The following IL17RA variants were observed in gnomAD, a reference collection of about 807,000 sequenced individuals.
The protein encoded by IL17RA is interleukin 17 receptor A.
IL17RA carries 34 observed loss-of-function variants against 50.4 expected under a neutral mutation model. The ratio of observed to expected loss-of-function variants is 0.67; its 90% CI spans 0.51 to 0.90. The LOEUF is 0.90. Among genes scored for constraint, IL17RA ranks in the 40% least tolerant of loss-of-function variants. IL17RA has a pLI of 0.00. For synonymous variants in IL17RA, 585 were observed against 510.4 expected, an observed-to-expected ratio of 1.15 and a Z score of -1.97; for missense variants, 1,276 against 1,169.8, an observed-to-expected ratio of 1.09 and a Z score of -1.32.
intron 4 of IL17RA, among the ~76,000 whole-genome samples, chr22:17,099,456 C>G (rs544903433): frequency 6.6e-6 from 1 of 152,098 alleles, no homozygotes; most frequent in Non-Finnish European, 1.5e-5. Flanking sequence ...CACCTGGGAA[C>G]GTGGTAGAGA....
chr22:17,085,958 G>C (rs1408582508), intron 1 of IL17RA, among the ~76,000 whole-genome samples: 1 of 152,082 alleles, frequency 6.6e-6, no homozygotes, highest in Non-Finnish European at 1.5e-5. Context: ...TTCTTAAGAC[G>C]GCGCCCTTCC....
At chr22:17,102,080 T>C (rs746066804) in intron 6 of IL17RA, 37 bp downstream of exon 6, 6 of 1,613,904 alleles carry the variant, frequency 3.7e-6, no homozygotes, top group Non-Finnish European at 5.1e-6. Context: ...TTTGGATGCA[T>C]ACACATGCAC....
intron 4 of IL17RA, among the ~76,000 whole-genome samples, chr22:17,099,439 T>C (rs1435849309): frequency 6.6e-6 from 1 of 152,120 alleles, no homozygotes; most frequent in Non-Finnish European, 1.5e-5. Context: ...ACCAGCAGCC[T>C]CAGCCTCACC....
intron 1 of IL17RA, among the ~76,000 whole-genome samples, chr22:17,086,210 G>A (rs1313782682): frequency 6.6e-6 from 1 of 151,906 alleles, no homozygotes; most frequent in African/African-American, 2.4e-5. Flanking sequence ...TCCCCGAGGG[G>A]ATCTTTCCTC....
At position 17,097,887 on chromosome 22, in the gene IL17RA, C is replaced by G; in HGVS notation, c.254C>G (p.Thr85Ser). Residue 85 changes from threonine to serine, a missense_variant, in exon 3 of 13, where the codon ACC (threonine) becomes AGC (serine). By Grantham distance (58) the Thr-to-Ser change is moderately conservative. Coordinates refer to ENST00000319363, the MANE Select transcript of IL17RA (RefSeq NM_014339.7). The part of the protein sequence containing the change: ...DLQIQLHFAH[T>S]QQGDLFPVAH... ...CAGATCCAGCTGCACTTTGCCCACA[C>G]CCAACAAGGAGACCTGTTCCCCGTG... 1 of 1,614,210 alleles carries G rather than the reference C, an allele frequency of 6.2e-7. No individual in the cohort carries two copies. Among genetic ancestry groups the G allele is most frequent in the Middle Eastern group, 1.6e-4 (1 of 6,062 alleles).
chr22:17,097,972 G>T, intron 3 of IL17RA, 29 bp downstream of exon 3: 1 of 1,613,078 alleles, frequency 6.2e-7, no homozygotes, highest in Non-Finnish European at 8.5e-7. Flanking sequence ...AGGGCCCTGG[G>T]GGATTCTCCC....
chr22:17,100,915 A>G lies in IL17RA; in HGVS notation c.550+434A>G, dbSNP rs561325757. Among the ~76,000 whole-genome samples the G allele has an allele frequency of 3.3e-5, 5 of 152,156 alleles. No individual in the cohort carries two copies. In the East Asian group the frequency reaches 9.6e-4, roughly 29 times the overall value. ...GCCTGCATCATCCAACGTTCATCCC[A>G]TGCATGGCGCTCTACTCCCCATGCC... On this transcript the variant is annotated intron_variant, in intron 5 of 12. Coordinates refer to ENST00000319363, the MANE Select transcript of IL17RA (RefSeq NM_014339.7).
Position 17,110,406 on chromosome 22 carries a change from GAGAA to G in IL17RA, c.*587_*590del, listed in dbSNP as rs2061436241. 6.2e-6 allele frequency: 1 copy of G among 161,210 alleles called. No individual in the cohort carries two copies. Among genetic ancestry groups the G allele is most frequent in the African/African-American group, 2.4e-5 (1 of 41,296 alleles). The allele number at this position is 161,210 out of a possible 1,614,324, so 10.0% of individuals were successfully genotyped here. On this transcript the variant is annotated 3_prime_UTR_variant, in exon 13 of 13. Transcript: ENST00000319363. ...CTAGCTACTTGGGAGGCTGAGGCAGGAGAATTGCTTGAATCTGGGAGGCAGAGGT... is the reference window on the plus strand; with the variant it reads ...CTAGCTACTTGGGAGGCTGAGGCAGGTTGCTTGAATCTGGGAGGCAGAGGT...
Position 17,105,857 on chromosome 22 carries a change from C to A in IL17RA, c.948C>A (p.Tyr316Ter). 6.2e-7 allele frequency: 1 copy of A among 1,613,728 alleles called. No individual in the cohort carries two copies. The highest frequency in any genetic ancestry group is 8.5e-7 in the Non-Finnish European group (1 of 1,179,716). The change falls in exon 11 of 13, where the codon TAC becomes TAA. Residue 316 changes from tyrosine (Y) to a stop codon, truncating the protein, a stop_gained. Coordinates refer to ENST00000319363, the MANE Select transcript of IL17RA (RefSeq NM_014339.7). LOFTEE classifies it high-confidence loss of function. ...MPDTPEPIPD[Y>*]MPLWVYWFIT... ...ACGCTGTTCTGCTCACCGCAGACTA[C>A]ATGCCCCTGTGGGTGTACTGGTTCA... is the stretch of plus-strand genomic sequence containing the variant.
Position 17,109,350 on chromosome 22 carries a change from G to C in IL17RA, c.2131G>C (p.Ala711Pro). Residue 711 changes from alanine to proline, a missense_variant, in exon 13 of 13, where the codon GCT (alanine) becomes CCT (proline). Transcript: ENST00000319363. ...EACPLLGSPG[A>P]GRNSVLFLPV... Reference sequence around the variant, plus strand: ...CTGCCCGCTGCTGGGCAGCCCGGGCGCTGGGCGAAATAGCGTCCTCTTCCT... The same window carrying C: ...CTGCCCGCTGCTGGGCAGCCCGGGCCCTGGGCGAAATAGCGTCCTCTTCCT... 1.3e-6 allele frequency: 2 copies of C among 1,595,426 alleles called. No homozygotes were observed. Among genetic ancestry groups the C allele is most frequent in the Non-Finnish European group, 1.7e-6 (2 of 1,173,766 alleles).
chr22:17,099,919 A>T (rs556745667), intron 4 of IL17RA, among the ~76,000 whole-genome samples: 3 of 152,288 alleles, frequency 2.0e-5, no homozygotes, highest in African/African-American at 7.2e-5. Context: ...TGGTCTCAAG[A>T]GGTTCCTGGC....
intron 1 of IL17RA, chr22:17,094,020 G>A (rs1036338546): frequency 7.3e-5 from 6 of 82,728 alleles, no homozygotes; most frequent in African/African-American, 1.3e-4. Flanking sequence ...GTCTCGCTCT[G>A]TCGCCCAGGA....
chr22:17,105,632 G>A, intron 10 of IL17RA, 30 bp downstream of exon 10: 1 of 1,611,760 alleles, frequency 6.2e-7, no homozygotes, highest in East Asian at 2.2e-5. Flanking sequence ...CGACAGCACT[G>A]CAGCCCTCAG....
chr22:17,100,622 G>T (rs2061387598), intron 5 of IL17RA, 141 bp downstream of exon 5: 2 of 1,083,618 alleles, frequency 1.8e-6, no homozygotes, highest in Admixed American at 3.8e-5. Context: ...ACAAACAGAG[G>T]CCAAGACTGG....
Position 17,109,352 on chromosome 22 carries a change from T to C in IL17RA, c.2133T>C (p.Ala711=). Residue 711 remains alanine (A), a synonymous_variant, in exon 13 of 13, where the codon GCT becomes GCC. Coordinates refer to ENST00000319363, the MANE Select transcript of IL17RA (RefSeq NM_014339.7). ...EACPLLGSPG[A]GRNSVLFLPV... ...GCCCGCTGCTGGGCAGCCCGGGCGC[T>C]GGGCGAAATAGCGTCCTCTTCCTCC... is the stretch of plus-strand genomic sequence containing the variant. The C allele has an allele frequency of 6.3e-7, 1 of 1,599,136 alleles. No homozygotes were observed. Among genetic ancestry groups the C allele is most frequent in the Non-Finnish European group, 8.5e-7 (1 of 1,175,418 alleles).
At chr22:17,100,607 A>T (rs2061387538) in intron 5 of IL17RA, 126 bp downstream of exon 5, 1 of 1,208,756 alleles carries the variant, frequency 8.3e-7, no homozygotes, top group South Asian at 1.2e-5. Flanking sequence ...CCTGGGACCC[A>T]CAGAACAAAC....
chr22:17,113,996 T>C lies in IL17RA; in HGVS notation c.*4176T>C, dbSNP rs738035. 84,541 of 152,032 alleles carry C rather than the reference T, an allele frequency of 0.56. 23,838 individuals carry two copies. The highest frequency in any genetic ancestry group is 0.69 in the Middle Eastern group (204 of 294). The allele number at this position is 152,032 out of a possible 1,614,324, so 9.4% of individuals were successfully genotyped here. A position where few individuals can be genotyped will look rare whatever the true frequency, so the allele number is the denominator to read the frequency against. ...TCCCTGCTATTAGGTATTGCTCTCT[T>C]CCTCCGGTGTTTGCCTTTTCAGATT... is the stretch of plus-strand genomic sequence containing the variant. On this transcript the variant is annotated 3_prime_UTR_variant, in exon 13 of 13. Transcript: ENST00000319363.
At position 17,109,772 on chromosome 22, in the gene IL17RA, C is replaced by G. The variant is rs1281144372; in HGVS notation, c.2553C>G (p.Asn851Lys). The G allele has an allele frequency of 2.6e-6, 4 of 1,552,618 alleles. No homozygotes were observed. The Admixed American group carries it at 7.8e-5, about 30-fold the overall frequency. Reference protein sequence around the residue: ...RQLLFRQLQKNSGWDTMGSES... With the variant: ...RQLLFRQLQKKSGWDTMGSES... ...TGCTTTTCCGCCAGCTGCAGAAGAACTCGGGCTGGGACACGATGGGGTCAG... is the reference window on the plus strand; with the variant it reads ...TGCTTTTCCGCCAGCTGCAGAAGAAGTCGGGCTGGGACACGATGGGGTCAG... The change falls in exon 13 of 13, where the codon AAC becomes AAG. Residue 851 changes from asparagine to lysine, a missense_variant. Physicochemically the swap from Asn to Lys is moderately conservative, Grantham distance 94. Coordinates refer to ENST00000319363, the MANE Select transcript of IL17RA (RefSeq NM_014339.7).
intron 1 of IL17RA, among the ~76,000 whole-genome samples, chr22:17,086,917 C>T (rs2241043): frequency 0.54 from 81,867 of 152,016 alleles, 22,673 homozygotes; most frequent in Middle Eastern, 0.73. Context: ...CTCTGCTGTG[C>T]GTGGCGTGGG....
Sources: gnomAD v4.1 joint callset for allele counts (sites outside exome capture counted in the v4.1 genomes callset) on GRCh38, gnomAD v4.1.1 for gene constraint, MANE v1.5 for transcripts, NCBI Gene and HGNC (gene_info 2026-07-23, HGNC 2026-07-21) for gene names.